Variants in NPEPPS observed in about 807,000 individuals in gnomAD.
The protein encoded by NPEPPS is aminopeptidase puromycin sensitive, also known as puromycin-sensitive aminopeptidase.
NPEPPS carries 14 observed loss-of-function variants against 115.5 expected under a neutral mutation model. The observed-to-expected ratio is 0.12, with a 90% CI of 0.08 to 0.19. The LOEUF (loss-of-function observed/expected upper bound fraction) is 0.19, where lower values mean the gene tolerates loss of function less well. Among genes scored for constraint, NPEPPS ranks in the 10% least tolerant of loss-of-function variants. NPEPPS has a pLI of 1.00. For synonymous variants in NPEPPS, 285 were observed against 390.6 expected, an observed-to-expected ratio of 0.73 and a Z score of 3.19; for missense variants, 523 against 1,110.8, an observed-to-expected ratio of 0.47 and a Z score of 7.52.
intron 15 of NPEPPS, 103 bp downstream of exon 15, chr17:47,601,850 C>G: frequency 1.7e-6 from 2 of 1,189,638 alleles, no homozygotes; most frequent in Non-Finnish European, 2.3e-6. Context: ...AAAAAAAAAC[C>G]TAAACTTTTC....
chr17:47,543,891 GTTTA>G (rs149949702), intron 1 of NPEPPS, among the ~76,000 whole-genome samples: 45,897 of 140,000 alleles, frequency 0.33, 5,284 homozygotes, highest in Middle Eastern at 0.49. Context: ...TTGTTTGTTT[GTTTA>G]TTTATTTATT....
chr17:47,531,474 C>T lies in NPEPPS; in HGVS notation c.174C>T (p.Val58=). The change falls in exon 1 of 23, where the codon GTC becomes GTT. Residue 58 remains valine (V), a synonymous_variant. Transcript: ENST00000322157. ...KRPFERLPAD[V]SPINYSLCLK... ...CCTTCGAGCGGCTGCCTGCCGATGT[C>T]TCCCCCATCAACTACAGCCTTTGCC... 1 of 1,603,598 alleles carries T rather than the reference C, an allele frequency of 6.2e-7. No individual in the cohort carries two copies. The highest frequency in any genetic ancestry group is 1.7e-5 in the Admixed American group (1 of 58,880).
intron 2 of NPEPPS, among the ~76,000 whole-genome samples, chr17:47,547,696 A>G (rs1909316472): frequency 6.6e-6 from 1 of 152,118 alleles, no homozygotes. Context: ...ATTCCTTGTC[A>G]AAATGGTTAT....
chr17:47,533,060 T>C (rs1030197990), intron 1 of NPEPPS, among the ~76,000 whole-genome samples: 3 of 152,156 alleles, frequency 2.0e-5, no homozygotes, highest in Non-Finnish European at 2.9e-5. Flanking sequence ...CTCGAATGAA[T>C]TGAATGTTGG....
chr17:47,607,885 C>A (rs2143939883), intron 17 of NPEPPS, among the ~76,000 whole-genome samples: 1 of 152,274 alleles, frequency 6.6e-6, no homozygotes, highest in East Asian at 1.9e-4. Flanking sequence ...CGCTCTGTTG[C>A]CGAGGCTGGA....
chr17:47,538,914 T>C (rs1221625995), intron 1 of NPEPPS, among the ~76,000 whole-genome samples: 2 of 152,164 alleles, frequency 1.3e-5, no homozygotes, highest in Non-Finnish European at 2.9e-5. Flanking sequence ...CTGCCTGTTG[T>C]GCAATTTCTT....
chr17:47,534,313 T>G (rs566232522), intron 1 of NPEPPS, among the ~76,000 whole-genome samples: 23 of 152,144 alleles, frequency 1.5e-4, no homozygotes, highest in Non-Finnish European at 3.1e-4. Context: ...CCTCCTGACC[T>G]CGTGATCTGC....
chr17:47,529,474 G>C (rs1254217058), upstream of NPEPPS, among the ~76,000 whole-genome samples: 1 of 145,190 alleles, frequency 6.9e-6, no homozygotes, highest in Non-Finnish European at 1.5e-5. Context: ...GCGTGATCTT[G>C]GCTCGCTGCA....
At chr17:47,605,215 A>G (rs1015574258) in intron 16 of NPEPPS, 118 bp from the exon 17 acceptor site, 13 of 638,788 alleles carry the variant, frequency 2.0e-5, no homozygotes, top group Admixed American at 5.8e-5. Flanking sequence ...CTGAGCTTAT[A>G]CAGTCCCATT....
chr17:47,525,251 T>C (rs1006259489), intron 1 of NPEPPS, among the ~76,000 whole-genome samples: 1 of 152,236 alleles, frequency 6.6e-6, no homozygotes, highest in African/African-American at 2.4e-5. Flanking sequence ...TCTTGGATCA[T>C]GGGACCAAGG....
At chr17:47,540,077 C>T (rs1325027451) in intron 1 of NPEPPS, among the ~76,000 whole-genome samples, 5 of 152,104 alleles carry the variant, frequency 3.3e-5, no homozygotes, top group Non-Finnish European at 7.3e-5. Context: ...ATGTTATCTC[C>T]GATTTCTGCC....
At chr17:47,587,676 CTG>C (rs1310414347) in intron 9 of NPEPPS, among the ~76,000 whole-genome samples, 1 of 152,198 alleles carries the variant, frequency 6.6e-6, no homozygotes, top group Non-Finnish European at 1.5e-5. Context: ...TCCAGGCTAA[CTG>C]TAGTTTCTTG....
intron 19 of NPEPPS, among the ~76,000 whole-genome samples, 194 bp from the exon 20 acceptor site, chr17:47,618,156 C>T (rs1001099276): frequency 6.6e-6 from 1 of 152,056 alleles, no homozygotes; most frequent in Non-Finnish European, 1.5e-5. Flanking sequence ...GCTGGGATTA[C>T]AGGTGTGAAC....
chr17:47,615,931 T>C (rs1914171603), intron 19 of NPEPPS, among the ~76,000 whole-genome samples: 1 of 152,200 alleles, frequency 6.6e-6, no homozygotes, highest in African/African-American at 2.4e-5. Flanking sequence ...GAGGGTTGTC[T>C]TATGATGGTA....
chr17:47,594,201 TAGAGGTTGTTCTAGTTGAGTG>T (rs1457218262), intron 12 of NPEPPS, among the ~76,000 whole-genome samples: 1 of 152,140 alleles, frequency 6.6e-6, no homozygotes, highest in Admixed American at 6.5e-5. Context: ...GGACAACTTA[TAGAGGTTGTTCTAGTTGAGTG>T]AGTGGTGAGT....
intron 2 of NPEPPS, among the ~76,000 whole-genome samples, chr17:47,560,167 A>T (rs1910335340): frequency 6.6e-6 from 1 of 151,990 alleles, no homozygotes; most frequent in Admixed American, 6.6e-5. Flanking sequence ...TAGGAGAGAG[A>T]TAATTAGTTT....
At chr17:47,544,823 C>T (rs1379701627) in intron 1 of NPEPPS, among the ~76,000 whole-genome samples, 1 of 146,352 alleles carries the variant, frequency 6.8e-6, no homozygotes, top group Non-Finnish European at 1.5e-5. Flanking sequence ...AGTGATTCTC[C>T]TGCCCCTGCA....
At chr17:47,594,591 T>TTATGTTATGTTATGTTATGTTATGTTATG (rs1912730751) in intron 12 of NPEPPS, among the ~76,000 whole-genome samples, 1 of 138,200 alleles carries the variant, frequency 7.2e-6, no homozygotes, top group South Asian at 2.4e-4. Flanking sequence ...TGTATTTTAT[T>TTATGTTATGTTATGTTATGTTATGTTATG]TTATGTTATG....
intron 12 of NPEPPS, among the ~76,000 whole-genome samples, chr17:47,592,930 G>A (rs1455771020): frequency 1.3e-5 from 2 of 151,974 alleles, no homozygotes; most frequent in Non-Finnish European, 2.9e-5. Context: ...ACAGGCCCTG[G>A]TGTGTGATGT....
Sources: allele counts gnomAD v4.1 joint callset (sites outside exome capture counted in the v4.1 genomes callset), GRCh38; gene constraint gnomAD v4.1.1; transcripts MANE v1.5; gene names NCBI Gene and HGNC (gene_info 2026-07-23, HGNC 2026-07-21).